The following CCDC175 variants were observed in gnomAD, a reference collection of about 807,000 sequenced individuals.
CCDC175 encodes the protein coiled-coil domain containing 175.
CCDC175 carries 100 observed loss-of-function variants against 114.6 expected under a neutral mutation model. The ratio of observed to expected loss-of-function variants is 0.87; its 90% CI spans 0.74 to 1.03. The LOEUF is 1.03. CCDC175 is among the 50% of genes least tolerant of loss of function. The probability of loss-of-function intolerance (pLI) is 0.00; values close to 1 mark genes in which losing one functional copy is unlikely to be tolerated. For missense variants in CCDC175, 880 were observed against 917.8 expected (o/e 0.96, Z 0.53); for synonymous variants, 306 against 308.7 (o/e 0.99, Z 0.09).
rs1336994731 is a variant in CCDC175 at position 59,531,851 on chromosome 14, A to G, written c.1683T>C (p.Tyr561=). 7.3e-7 allele frequency: 1 copy of G among 1,373,652 alleles called. No individual in the cohort carries two copies. The highest frequency in any genetic ancestry group is 1.0e-6 in the Non-Finnish European group (1 of 1,001,810). The allele number at this position is 1,373,652 out of a possible 1,614,324, so 85.1% of individuals were successfully genotyped here. A position where few individuals can be genotyped will look rare whatever the true frequency, so the allele number is the denominator to read the frequency against. The change falls in exon 14 of 20, where the codon TAT becomes TAC. Residue 561 remains tyrosine (Y), a synonymous_variant. Transcript: ENST00000537690. ...GTTCTGCCACCTGAAGTTGTGGAAG[A>G]TACTCAACTAGTTCTTCTTCCTTTT... is the stretch of plus-strand genomic sequence containing the variant. The part of the protein sequence containing the change: ...NKEKEEELVE[Y]LPQLQVAEQE...
chr14:59,527,840 A>G (rs1893840189), intron 14 of CCDC175, among the ~76,000 whole-genome samples: 1 of 152,006 alleles, frequency 6.6e-6, no homozygotes, highest in South Asian at 2.1e-4. Flanking sequence ...TGCCTTCTGG[A>G]ATCTTTTCTT....
intron 7 of CCDC175, among the ~76,000 whole-genome samples, chr14:59,553,726 T>C (rs1371927638): frequency 2.0e-5 from 3 of 152,056 alleles, no homozygotes; most frequent in African/African-American, 7.2e-5. Flanking sequence ...ACCCATCTCA[T>C]ATGCAGAGAC....
chr14:59,505,997 A>G (rs1275218863), intron 19 of CCDC175, among the ~76,000 whole-genome samples: 1 of 152,056 alleles, frequency 6.6e-6, no homozygotes, highest in Non-Finnish European at 1.5e-5. Context: ...CTCAAAGAGG[A>G]TTTTCTTTGA....
chr14:59,550,496 AATATT>A (rs1312341856), intron 8 of CCDC175, among the ~76,000 whole-genome samples: 1 of 152,168 alleles, frequency 6.6e-6, no homozygotes, highest in African/African-American at 2.4e-5. Flanking sequence ...AAGTATTTAG[AATATT>A]ATATTATAAT....
At chr14:59,521,773 G>A in intron 16 of CCDC175, 97 bp from the exon 17 acceptor site, 1 of 690,896 alleles carries the variant, frequency 1.4e-6, no homozygotes, top group Non-Finnish European at 2.5e-6. Flanking sequence ...TTCCTCCTCT[G>A]CGCCACCCAC....
At chr14:59,563,978 G>C in intron 5 of CCDC175, 119 bp from the exon 6 acceptor site, 1 of 562,514 alleles carries the variant, frequency 1.8e-6, no homozygotes, top group Non-Finnish European at 2.6e-6. Context: ...ACATATTCAA[G>C]TATAGTAATA....
chr14:59,510,888 C>CAA, intron 18 of CCDC175, 80 bp from the exon 19 acceptor site: 1 of 1,171,550 alleles, frequency 8.5e-7, no homozygotes, highest in Non-Finnish European at 1.2e-6. Flanking sequence ...GGATCATGTC[C>CAA]AAAAAAAAAT....
chr14:59,530,558 C>T (rs1894010553), intron 14 of CCDC175, among the ~76,000 whole-genome samples: 1 of 151,776 alleles, frequency 6.6e-6, no homozygotes, highest in African/African-American at 2.4e-5. Context: ...GCCAAGAAAA[C>T]CTACTTAAGT....
At chr14:59,568,143 G>C in intron 4 of CCDC175, 102 bp downstream of exon 4, 1 of 1,173,948 alleles carries the variant, frequency 8.5e-7, no homozygotes, top group Non-Finnish European at 1.1e-6. Context: ...CTCTCAACTC[G>C]CCCTGCCACA....
At chr14:59,542,139 T>C (rs925259069) in intron 10 of CCDC175, among the ~76,000 whole-genome samples, 1 of 152,174 alleles carries the variant, frequency 6.6e-6, no homozygotes, top group Non-Finnish European at 1.5e-5. Flanking sequence ...CATTCTCCCA[T>C]ACAATGAGCA....
At chr14:59,517,551 G>T (rs1415302091) in intron 17 of CCDC175, among the ~76,000 whole-genome samples, 1 of 152,150 alleles carries the variant, frequency 6.6e-6, no homozygotes, top group Non-Finnish European at 1.5e-5. Context: ...GCCAAATCGT[G>T]AGTGAACTCC....
chr14:59,561,159 T>C lies in CCDC175; in HGVS notation c.913A>G (p.Ser305Gly). The stretch of plus-strand genomic sequence containing the variant: ...ATTGCAAGGTCTTTCTTTAGCTCAC[T>C]GACCTCTTGTTCCCAATACCTTATT... Reference protein sequence around the residue: ...ESIRYWEQEVSELKKDLAILE... With the variant: ...ESIRYWEQEVGELKKDLAILE... The change falls in exon 7 of 20, where the codon AGT (serine) becomes GGT (glycine). Residue 305 changes from serine to glycine, a missense_variant. Coordinates refer to ENST00000537690, the MANE Select transcript of CCDC175 (RefSeq NM_001164399.2). 1 of 1,535,512 alleles carries C rather than the reference T, an allele frequency of 6.5e-7. No homozygotes were observed.
chr14:59,559,388 C>T (rs1896105626), intron 7 of CCDC175, among the ~76,000 whole-genome samples: 1 of 152,116 alleles, frequency 6.6e-6, no homozygotes, highest in African/African-American at 2.4e-5. Context: ...TTGAGTTACT[C>T]TTATTTGTCC....
At chr14:59,569,899 C>A (rs1464781620) in intron 3 of CCDC175, among the ~76,000 whole-genome samples, 1 of 152,140 alleles carries the variant, frequency 6.6e-6, no homozygotes, top group Non-Finnish European at 1.5e-5. Context: ...TAAGGAGTAG[C>A]CACCATCCCT....
At chr14:59,513,039 T>A (rs1269314759) in intron 17 of CCDC175, among the ~76,000 whole-genome samples, 1 of 152,190 alleles carries the variant, frequency 6.6e-6, no homozygotes, top group Admixed American at 6.5e-5. Context: ...CCACATAAAA[T>A]TGATTTTTGA....
intron 8 of CCDC175, among the ~76,000 whole-genome samples, chr14:59,547,340 A>C (rs1015398048): frequency 6.6e-6 from 1 of 152,232 alleles, no homozygotes; most frequent in South Asian, 2.1e-4. Flanking sequence ...CACAATCCCA[A>C]TCAAAATCCA....
intron 17 of CCDC175, among the ~76,000 whole-genome samples, chr14:59,515,677 G>A (rs1001871945): frequency 1.3e-5 from 2 of 152,174 alleles, no homozygotes; most frequent in African/African-American, 4.8e-5. Flanking sequence ...CAAGTCCTTA[G>A]AGACCTGGAA....
intron 8 of CCDC175, among the ~76,000 whole-genome samples, chr14:59,549,287 G>A (rs534262962): frequency 5.7e-4 from 87 of 152,318 alleles, no homozygotes; most frequent in Non-Finnish European, 1.1e-3. Flanking sequence ...ACCAAGGCAG[G>A]AGGATTGCTT....
At chr14:59,555,353 A>T (rs1055895456) in intron 7 of CCDC175, among the ~76,000 whole-genome samples, 1 of 152,250 alleles carries the variant, frequency 6.6e-6, no homozygotes. Context: ...AACAGAACCA[A>T]AGCAAAAGCC....
Sources: allele counts gnomAD v4.1 joint callset (sites outside exome capture counted in the v4.1 genomes callset), GRCh38; gene constraint gnomAD v4.1.1; transcripts MANE v1.5; gene names NCBI Gene and HGNC (gene_info 2026-07-23, HGNC 2026-07-21).